Variants in TMEM225B observed in about 807,000 individuals in gnomAD.
TMEM225B encodes transmembrane protein 225B.
TMEM225B carries 10 observed loss-of-function variants against 16.9 expected under a neutral mutation model. The observed-to-expected ratio is 0.59, with a 90% CI of 0.36 to 1.00. The LOEUF (loss-of-function observed/expected upper bound fraction) is 1.00, where lower values mean the gene tolerates loss of function less well. Ranked by LOEUF, TMEM225B falls within the 50% of genes least tolerant of loss-of-function variation. The pLI is 0.01. For synonymous variants in TMEM225B, 92 were observed against 109.8 expected (o/e 0.84, Z 1.01); for missense variants, 217 against 267.0 (o/e 0.81, Z 1.30).
At chr7:99,598,264 G>A (rs1311875531), upstream of TMEM225B, 1 of 152,364 alleles carries the variant, frequency 6.6e-6, no homozygotes, top group Non-Finnish European at 1.5e-5. Context: ...GGCCTCTGGG[G>A]CCAACGGAAG....
chr7:99,603,950 T>C (rs1805574757), intron 2 of TMEM225B, among the ~76,000 whole-genome samples: 1 of 152,042 alleles, frequency 6.6e-6, no homozygotes, highest in African/African-American at 2.4e-5. Context: ...AGACGGGGTT[T>C]CGCCATGTTG....
rs1805935452 is a variant in TMEM225B, at chr7:99,607,653, G to T, written c.356-20G>T. On this transcript the variant is annotated intron_variant, in intron 4 of 5. Transcript: ENST00000431679. ...GGTAGCATGGGAGGAGACCGAGGGT[G>T]TCTCCCTGTGACCCTCCAGGGGCCT... The T allele has an allele frequency of 6.5e-7, 1 of 1,531,356 alleles. No individual in the cohort carries two copies. The highest frequency in any genetic ancestry group is 1.2e-5 in the South Asian group (1 of 83,628). The allele number at this position is 1,531,356 out of a possible 1,614,324, so 94.9% of individuals were successfully genotyped here.
intron 2 of TMEM225B, among the ~76,000 whole-genome samples, chr7:99,601,423 T>C (rs1294903358): frequency 6.6e-6 from 1 of 152,114 alleles, no homozygotes; most frequent in African/African-American, 2.4e-5. Flanking sequence ...TAGACCCCTG[T>C]CTCTACAAAA....
intron 2 of TMEM225B, among the ~76,000 whole-genome samples, chr7:99,603,769 T>C (rs1474717699): frequency 5.5e-5 from 8 of 145,272 alleles, no homozygotes; most frequent in Admixed American, 2.0e-4. Flanking sequence ...TTTTTTTTTT[T>C]GTTTTTTTTT....
chr7:99,599,671 C>T (rs1324599659), intron 1 of TMEM225B, among the ~76,000 whole-genome samples: 1 of 152,256 alleles, frequency 6.6e-6, no homozygotes, highest in Non-Finnish European at 1.5e-5. Context: ...CATTCTCTCT[C>T]TCTTTCTCAC....
chr7:99,610,451 C>G lies in TMEM225B; in HGVS notation c.552C>G (p.Ser184=), dbSNP rs1259324256. 1 of 1,536,060 alleles carries G rather than the reference C, an allele frequency of 6.5e-7. No homozygotes were observed. Residue 184 remains serine (S), a synonymous_variant, in exon 6 of 6, where the codon TCC becomes TCG. Transcript: ENST00000431679. ...CTTGCTGGCACTTGTTGTCCACTTC[C>G]CAGAGTATGGAGGAGGACCACGGGA... is the stretch of plus-strand genomic sequence containing the variant. ...VCPCWHLLST[S]QSMEEDHGSL...
chr7:99,604,469 T>C lies in TMEM225B; in HGVS notation c.81T>C (p.Ile27=). 4 of 1,536,138 alleles carry C rather than the reference T, an allele frequency of 2.6e-6. No homozygotes were observed. Among genetic ancestry groups the C allele is most frequent in the Non-Finnish European group, 3.5e-6 (4 of 1,146,886 alleles). The change falls in exon 3 of 6, where the codon ATT becomes ATC. Residue 27 remains isoleucine (I), a synonymous_variant. Transcript: ENST00000431679. ...CCTTAACCTCCCTAGGCTACCTGAT[T>C]ATACTGGTGGTCTCCATCTTTCCCT... ...VPALTSLGYL[I]ILVVSIFPFW...
chr7:99,610,651 G>C lies in TMEM225B; in HGVS notation c.*86G>C, dbSNP rs748461178. ...GTAGTCCTCCCCACCCTCTCTGCCA[G>C]TATCTGTGCCTTTGAGGAGCTTCTT... is the stretch of plus-strand genomic sequence containing the variant. On this transcript the variant is annotated 3_prime_UTR_variant, in exon 6 of 6. Coordinates refer to ENST00000431679, the MANE Select transcript of TMEM225B (RefSeq NM_001195541.3). 1 of 1,235,076 alleles carries C rather than the reference G, an allele frequency of 8.1e-7. No homozygotes were observed. The highest frequency in any genetic ancestry group is 1.5e-5 in the African/African-American group (1 of 67,022). 76.5% of individuals were successfully genotyped at this position (1,235,076 alleles called of 1,614,324 possible).
In TMEM225B at chr7:99,608,547, C is replaced by CTTTT. The variant is rs542884054; in HGVS notation, c.493+752_493+755dup. 4.2e-3 allele frequency among the ~76,000 whole-genome samples: 542 copies of CTTTT among 128,826 alleles called. 7 individuals carry two copies. Among genetic ancestry groups the CTTTT allele is most frequent in the African/African-American group, 0.016 (528 of 32,836 alleles). The allele number at this position is 128,826 out of a possible 152,430, so 84.5% of individuals were successfully genotyped here. The stretch of plus-strand genomic sequence containing the variant: ...TTAGGCTATCTATTTCTGTCTCTAC[C>CTTTT]TTTTTTTTTTTTTTTTTTAAGAGAT... On this transcript the variant is annotated intron_variant, in intron 5 of 5. Coordinates refer to ENST00000431679, the MANE Select transcript of TMEM225B (RefSeq NM_001195541.3).
In TMEM225B at chr7:99,610,476, A is replaced by G. The variant is rs1806254675; in HGVS notation, c.577A>G (p.Ser193Gly). ...CCAGAGTATGGAGGAGGACCACGGGAGCCTGTACCTGGACAATCTGGAGAG... is the reference window on the plus strand; with the variant it reads ...CCAGAGTATGGAGGAGGACCACGGGGGCCTGTACCTGGACAATCTGGAGAG... ...TSQSMEEDHG[S>G]LYLDNLESLG... Residue 193 changes from serine (S) to glycine (G), a missense_variant, in exon 6 of 6, where the codon AGC (serine) becomes GGC (glycine). Ser to Gly is a moderately conservative substitution (Grantham distance 56). Coordinates refer to ENST00000431679, the MANE Select transcript of TMEM225B (RefSeq NM_001195541.3). 3 of 1,536,074 alleles carry G rather than the reference A, an allele frequency of 2.0e-6. No individual in the cohort carries two copies. Among genetic ancestry groups the G allele is most frequent in the Admixed American group, 2.0e-5 (1 of 50,994 alleles).
In TMEM225B at chr7:99,610,540, A is replaced by G. The variant is rs772780852; in HGVS notation, c.641A>G (p.Gln214Arg). ...GEPSSVQKET[Q>R]VTAETVI ...CCGAGCTCAGTACAAAAGGAGACAC[A>G]GGTGACAGCAGAAACAGTCATCTAG... is the stretch of plus-strand genomic sequence containing the variant. The change falls in exon 6 of 6, where the codon CAG (glutamine) becomes CGG (arginine). Residue 214 changes from glutamine (Q) to arginine (R), a missense_variant. Coordinates refer to ENST00000431679, the MANE Select transcript of TMEM225B (RefSeq NM_001195541.3). 217 of 1,536,084 alleles carry G rather than the reference A, an allele frequency of 1.4e-4. No individual in the cohort carries two copies. The highest frequency in any genetic ancestry group is 2.4e-5 in the Non-Finnish European group (27 of 1,146,882).
intron 5 of TMEM225B, among the ~76,000 whole-genome samples, chr7:99,608,736 C>T (rs766266464): frequency 3.1e-3 from 220 of 70,826 alleles, no homozygotes; most frequent in East Asian, 0.017. Flanking sequence ...TATATATATA[C>T]ACACACACAC....
At chr7:99,604,643 G>A (rs1241402816) in intron 3 of TMEM225B, 47 bp downstream of exon 3, 1 of 1,433,126 alleles carries the variant, frequency 7.0e-7, no homozygotes, top group Non-Finnish European at 9.5e-7. Flanking sequence ...GATGGGGCCA[G>A]TGTTGGGACA....
chr7:99,600,006 A>AG (rs1805216312), intron 1 of TMEM225B, among the ~76,000 whole-genome samples, 199 bp from the exon 2 acceptor site: 2 of 152,224 alleles, frequency 1.3e-5, no homozygotes, highest in Admixed American at 1.3e-4. Flanking sequence ...GCTGGCACTA[A>AG]GGGCTGCTTC....
chr7:99,609,447 T>C (rs1395433271), intron 5 of TMEM225B, among the ~76,000 whole-genome samples: 1 of 151,376 alleles, frequency 6.6e-6, no homozygotes, highest in Non-Finnish European at 1.5e-5. Context: ...TGTTGTCTCT[T>C]TTTGTTCCCG....
chr7:99,600,652 T>A (rs1230847861), intron 2 of TMEM225B, among the ~76,000 whole-genome samples: 1 of 152,150 alleles, frequency 6.6e-6, no homozygotes, highest in Non-Finnish European at 1.5e-5. Context: ...GTGAGACTTA[T>A]TCACTACCAC....
At chr7:99,602,351 C>T (rs766342511) in intron 2 of TMEM225B, among the ~76,000 whole-genome samples, 25 of 152,208 alleles carry the variant, frequency 1.6e-4, no homozygotes, top group Non-Finnish European at 1.5e-5. Context: ...GTGTGGCCTC[C>T]AGCCCCTTCT....
chr7:99,609,493 C>T (rs940327313), intron 5 of TMEM225B, among the ~76,000 whole-genome samples: 4 of 152,160 alleles, frequency 2.6e-5, no homozygotes, highest in African/African-American at 9.7e-5. Context: ...GGCTGGAGTG[C>T]AGTGGCATGA....
intron 1 of TMEM225B, among the ~76,000 whole-genome samples, chr7:99,599,935 A>T (rs1270183099): frequency 6.6e-6 from 1 of 152,200 alleles, no homozygotes; most frequent in African/African-American, 2.4e-5. Context: ...ATGACCTTTC[A>T]GTCTGGCCTA....
Sources: gnomAD v4.1 joint callset for allele counts (sites outside exome capture counted in the v4.1 genomes callset) on GRCh38, gnomAD v4.1.1 for gene constraint, MANE v1.5 for transcripts, NCBI Gene and HGNC (gene_info 2026-07-23, HGNC 2026-07-21) for gene names.